The following ZNF581 variants were observed in gnomAD, a reference collection of about 807,000 sequenced individuals.
The protein encoded by ZNF581 is zinc finger protein 581.
ZNF581 carries 1 observed loss-of-function variant against 1.2 expected under a neutral mutation model. The ratio of observed to expected loss-of-function variants is 0.83; its 90% CI spans 0.30 to 3.95. The LOEUF is 3.95. Ranked by LOEUF, ZNF581 falls within the 30% of genes most tolerant of loss-of-function variation. ZNF581 has a pLI of 0.18. For synonymous variants in ZNF581, 105 were observed against 109.2 expected, an observed-to-expected ratio of 0.96 and a Z score of 0.24; for missense variants, 273 against 274.6, an observed-to-expected ratio of 0.99 and a Z score of 0.04.
chr19:55,642,528 G>A, upstream of ZNF581: 1 of 1,433,430 alleles, frequency 7.0e-7, no homozygotes, highest in Non-Finnish European at 9.1e-7. Flanking sequence ...CTGCCGCCGC[G>A]GCCACCCCAC....
upstream of ZNF581, chr19:55,642,132 G>T (rs1054162181): frequency 1.8e-5 from 18 of 1,019,968 alleles, no homozygotes; most frequent in East Asian, 1.4e-3. Context: ...GAGGCCCGGG[G>T]TCTAAGATGT....
chr19:55,640,975 C>T (rs1243426419), upstream of ZNF581: 38 of 985,272 alleles, frequency 3.9e-5, no homozygotes, highest in Non-Finnish European at 4.3e-5. Flanking sequence ...GGAACCTCCG[C>T]ACTGGGCTCG....
exon 1 of ZNF581, chr19:55,635,548 C>A: frequency 4.2e-6 from 2 of 477,108 alleles, no homozygotes; most frequent in Non-Finnish European, 5.5e-6. Context: ...TGGAGTGCAT[C>A]TGATTGCCAG....
upstream of ZNF581, chr19:55,642,758 G>T: frequency 6.5e-7 from 1 of 1,539,734 alleles, no homozygotes; most frequent in Non-Finnish European, 8.7e-7. Context: ...GGCGCCCCCA[G>T]GAGAGCCCGG....
chr19:55,642,442 A>C (rs567247195), upstream of ZNF581: 95 of 1,395,662 alleles, frequency 6.8e-5, no homozygotes, highest in Middle Eastern at 1.9e-4. Flanking sequence ...ATTTTAGGAA[A>C]CTTTTCCTAA....
At chr19:55,642,575 C>A, upstream of ZNF581, 1 of 1,446,982 alleles carries the variant, frequency 6.9e-7, no homozygotes. Flanking sequence ...GGACCCACCG[C>A]CCCCCAAGGC....
Position 55,645,193 on chromosome 19 carries a change from A to G in ZNF581, c.*28A>G, listed in dbSNP as rs1474562788. On this transcript the variant is annotated 3_prime_UTR_variant, in exon 2 of 2. Coordinates refer to ENST00000270451, the MANE Select transcript of ZNF581 (RefSeq NM_016535.4). ...CGGGCTGCCGGGTGCCCCAGGTACC[A>G]CAGGACTTTGCAGGGAGCCTGGACT... The G allele has an allele frequency of 2.0e-6, 3 of 1,506,636 alleles. No homozygotes were observed. The African/African-American group carries it at 4.2e-5, about 21-fold the overall frequency. 93.3% of individuals were successfully genotyped at this position (1,506,636 alleles called of 1,614,324 possible).
At chr19:55,637,922 A>C (rs1051898129), upstream of ZNF581, among the ~76,000 whole-genome samples, 1 of 151,982 alleles carries the variant, frequency 6.6e-6, no homozygotes, top group Non-Finnish European at 1.5e-5. Context: ...TATTGTTGTC[A>C]TTATTTCTGG....
chr19:55,638,162 G>A (rs1207679596), upstream of ZNF581, among the ~76,000 whole-genome samples: 1 of 152,206 alleles, frequency 6.6e-6, no homozygotes, highest in Non-Finnish European at 1.5e-5. Flanking sequence ...TACAATCATG[G>A]TGAAAGGTAA....
chr19:55,644,658 C>T lies in ZNF581; in HGVS notation c.87C>T (p.Arg29=). The change falls in exon 2 of 2, where the codon CGC becomes CGT. Residue 29 remains arginine, a synonymous_variant. Transcript: ENST00000270451. This position sits in a 1 kb window ranked among gnomAD's most constrained non-coding sequence, Gnocchi z 4.3. The part of the protein sequence containing the change: ...TMEGPPRRTC[R]SPEPGPSSSI... ...AGGGCCCTCCCCGTCGGACTTGCCG[C>T]TCCCCAGAACCTGGACCTTCCTCCT... 3 of 1,612,176 alleles carry T rather than the reference C, an allele frequency of 1.9e-6. No individual in the cohort carries two copies. The highest frequency in any genetic ancestry group is 1.7e-5 in the Admixed American group (1 of 59,762).
At position 55,644,855 on chromosome 19, in the gene ZNF581, T is replaced by G; in HGVS notation, c.284T>G (p.Val95Gly). The G allele has an allele frequency of 6.2e-7, 1 of 1,613,056 alleles. No homozygotes were observed. Among genetic ancestry groups the G allele is most frequent in the Non-Finnish European group, 8.5e-7 (1 of 1,179,204 alleles). The change falls in exon 2 of 2, where the codon GTC becomes GGC. Residue 95 changes from valine to glycine, a missense_variant. Coordinates refer to ENST00000270451, the MANE Select transcript of ZNF581 (RefSeq NM_016535.4). The surrounding 1 kb of genome is among the most constrained non-coding windows in gnomAD (Gnocchi z 4.3). ...KCYSCPVCSR[V>G]FEYMSYLQRH... ...TACAGCTGCCCCGTGTGCTCAAGGG[T>G]CTTCGAGTACATGTCCTACCTTCAG...
chr19:55,640,664 C>G (rs1296352112), upstream of ZNF581: 26 of 985,362 alleles, frequency 2.6e-5, no homozygotes, highest in Non-Finnish European at 3.1e-5. Flanking sequence ...CACATTTGCT[C>G]AGCCGGCAGG....
Position 55,644,717 on chromosome 19 carries a change from G to A in ZNF581, c.146G>A (p.Arg49Lys). 1 of 1,614,000 alleles carries A rather than the reference G, an allele frequency of 6.2e-7. No homozygotes were observed. The highest frequency in any genetic ancestry group is 8.5e-7 in the Non-Finnish European group (1 of 1,179,962). Residue 49 changes from arginine (R) to lysine (K), a missense_variant, in exon 2 of 2, where the codon AGG becomes AAG. By Grantham distance (26) the Arg-to-Lys change is conservative. Coordinates refer to ENST00000270451, the MANE Select transcript of ZNF581 (RefSeq NM_016535.4). The surrounding 1 kb of genome is among the most constrained non-coding windows in gnomAD (Gnocchi z 4.3). The stretch of plus-strand genomic sequence containing the variant: ...TCTCCCCAGGCTTCATCTCCTCCAA[G>A]GCCCAACCACTACCTGCTTATTGAC... ...IGSPQASSPP[R>K]PNHYLLIDTQ... is the part of the protein sequence containing the mutation.
upstream of ZNF581, chr19:55,643,252 C>T (rs980859828): frequency 1.6e-6 from 1 of 619,394 alleles, no homozygotes; most frequent in Admixed American, 4.4e-5. Context: ...GGCCTGGGAA[C>T]CAGTCGGAAC....
rs759803454 is a variant in ZNF581 at position 55,645,112 on chromosome 19, C to A, written c.541C>A (p.Arg181Ser). Reference sequence around the variant, plus strand: ...GTTTCAGTGTCCACACTGCCCTCGCCGCTTTATGGAGCAGAACACACTGCA... The same window carrying A: ...GTTTCAGTGTCCACACTGCCCTCGCAGCTTTATGGAGCAGAACACACTGCA... ...RPFQCPHCPR[R>S]FMEQNTLQKH... Residue 181 changes from arginine (R) to serine (S), a missense_variant, in exon 2 of 2, where the codon CGC becomes AGC. Physicochemically the swap from Arg to Ser is moderately radical, Grantham distance 110. Coordinates refer to ENST00000270451, the MANE Select transcript of ZNF581 (RefSeq NM_016535.4). 3.3e-5 allele frequency: 51 copies of A among 1,538,226 alleles called. No individual in the cohort carries two copies. Among genetic ancestry groups the A allele is most frequent in the Non-Finnish European group, 4.1e-5 (47 of 1,138,646 alleles).
At chr19:55,639,025 GA>G (rs796910745), upstream of ZNF581, among the ~76,000 whole-genome samples, 6 of 98,618 alleles carry the variant, frequency 6.1e-5, no homozygotes, top group South Asian at 7.5e-4. Flanking sequence ...AAAAAAAAAA[GA>G]AAAAAAAAAG....
upstream of ZNF581, chr19:55,640,177 C>A: frequency 4.1e-6 from 4 of 985,480 alleles, no homozygotes; most frequent in Non-Finnish European, 4.8e-6. Flanking sequence ...CGTGGCGCCA[C>A]GTGGCTGGAG....
At chr19:55,641,893 A>C, upstream of ZNF581, 1 of 228,152 alleles carries the variant, frequency 4.4e-6, no homozygotes, top group Non-Finnish European at 7.2e-6. Context: ...AAATGTGGGG[A>C]ATTGGGTTAG....
In ZNF581 at chr19:55,644,884, C is replaced by T; in HGVS notation, c.313C>T (p.His105Tyr). The stretch of plus-strand genomic sequence containing the variant: ...CGAGTACATGTCCTACCTTCAGCGA[C>T]ACAGCATCACCCACTCGGAGGTAAA... ...VFEYMSYLQRHSITHSEVKPF... is the reference protein window; with the variant it reads ...VFEYMSYLQRYSITHSEVKPF... The change falls in exon 2 of 2, where the codon CAC becomes TAC. Residue 105 changes from histidine (H) to tyrosine (Y), a missense_variant. His to Tyr is a moderately conservative substitution (Grantham distance 83, BLOSUM62 2). Transcript: ENST00000270451. The surrounding 1 kb of genome is among the most constrained non-coding windows in gnomAD (Gnocchi z 4.3). 1 of 1,613,966 alleles carries T rather than the reference C, an allele frequency of 6.2e-7. No individual in the cohort carries two copies.
Sources: gnomAD v4.1 joint callset for allele counts (sites outside exome capture counted in the v4.1 genomes callset) on GRCh38, gnomAD v4.1.1 for gene constraint, Gnocchi (gnomAD v3.1) non-coding constraint, MANE v1.5 for transcripts, NCBI Gene and HGNC (gene_info 2026-07-23, HGNC 2026-07-21) for gene names.